Variants in ASTN2 observed in about 807,000 individuals in gnomAD.
ASTN2 encodes the protein astrotactin-2.
A neutral mutation model predicts 139.8 loss-of-function variants in ASTN2; 54 were observed. That is an observed-to-expected ratio of 0.39 (90% confidence interval 0.31 to 0.48). The LOEUF is 0.48. Ranked by LOEUF, ASTN2 falls within the 20% of genes least tolerant of loss-of-function variation. ASTN2 has a pLI of 0.95. For synonymous variants in ASTN2, 756 were observed against 719.5 expected (o/e 1.05, Z -0.81); for missense variants, 1,565 against 1,725.1 (o/e 0.91, Z 1.64).
intron 1 of ASTN2, among the ~76,000 whole-genome samples, chr9:117,380,156 G>A (rs1350106145): frequency 2.0e-5 from 3 of 152,146 alleles, no homozygotes; most frequent in Admixed American, 1.3e-4. Flanking sequence ...GCAAGGCACC[G>A]TGCTGGAATC....
At chr9:116,976,347 A>T (rs1836341511) in intron 8 of ASTN2, among the ~76,000 whole-genome samples, 159 bp from the exon 9 acceptor site, 1 of 152,262 alleles carries the variant, frequency 6.6e-6, no homozygotes, top group Non-Finnish European at 1.5e-5. Context: ...TCTCCAATTT[A>T]CAGAAGGATT....
intron 13 of ASTN2, among the ~76,000 whole-genome samples, chr9:116,754,552 T>G (rs1371545060): frequency 6.6e-6 from 1 of 152,236 alleles, no homozygotes; most frequent in Non-Finnish European, 1.5e-5. Context: ...TATATTGGAA[T>G]ACAGCCACAT....
At chr9:117,288,376 T>C (rs948582676) in intron 2 of ASTN2, among the ~76,000 whole-genome samples, 1 of 152,196 alleles carries the variant, frequency 6.6e-6, no homozygotes, top group Non-Finnish European at 1.5e-5. Flanking sequence ...ATATCTGTGC[T>C]GTCAAAAGGG....
chr9:117,281,828 A>G (rs1299854320), intron 2 of ASTN2, among the ~76,000 whole-genome samples: 2 of 151,988 alleles, frequency 1.3e-5, no homozygotes, highest in African/African-American at 4.8e-5. Context: ...TCTCAGATCC[A>G]CAGTGCTGGG....
chr9:116,615,135 C>T (rs1219684391), intron 19 of ASTN2, among the ~76,000 whole-genome samples: 1 of 152,154 alleles, frequency 6.6e-6, no homozygotes, highest in East Asian at 1.9e-4. Flanking sequence ...TGCTCATCAT[C>T]ACTGGCCATC....
chr9:117,318,920 C>G (rs1448422670), intron 1 of ASTN2, among the ~76,000 whole-genome samples: 2 of 152,196 alleles, frequency 1.3e-5, no homozygotes, highest in African/African-American at 4.8e-5. Flanking sequence ...AGCCGCTCCT[C>G]TGAGCTGGGG....
intron 2 of ASTN2, among the ~76,000 whole-genome samples, chr9:117,252,856 T>A (rs1167516795): frequency 6.6e-6 from 1 of 152,190 alleles, no homozygotes; most frequent in Non-Finnish European, 1.5e-5. Context: ...CAAAGTCAGA[T>A]AACCTTGGAG....
intron 10 of ASTN2, among the ~76,000 whole-genome samples, chr9:116,892,825 A>C (rs1269503384): frequency 2.0e-5 from 3 of 152,180 alleles, no homozygotes; most frequent in Non-Finnish European, 4.4e-5. Context: ...CATATTTAGC[A>C]AATAAAAATA....
chr9:117,380,877 C>G (rs534053008), intron 1 of ASTN2, among the ~76,000 whole-genome samples: 1 of 152,226 alleles, frequency 6.6e-6, no homozygotes, highest in African/African-American at 2.4e-5. Context: ...ACAGAATTAC[C>G]ATATACCCAG....
At chr9:116,956,094 C>CTTTTTTTTTTTTTTTTTTT (rs71379245) in intron 10 of ASTN2, among the ~76,000 whole-genome samples, 2 of 119,148 alleles carry the variant, frequency 1.7e-5, no homozygotes, top group South Asian at 2.7e-4. Flanking sequence ...TTTTTCTTTT[C>CTTTTTTTTTTTTTTTTTTT]TTTTTTTTTT....
At chr9:116,815,549 T>C (rs1831289361) in intron 12 of ASTN2, among the ~76,000 whole-genome samples, 1 of 151,974 alleles carries the variant, frequency 6.6e-6, no homozygotes, top group African/African-American at 2.4e-5. Context: ...CTCACACCTG[T>C]AATCCCAGCA....
At chr9:117,290,749 G>A (rs534033910) in intron 2 of ASTN2, among the ~76,000 whole-genome samples, 1 of 152,300 alleles carries the variant, frequency 6.6e-6, no homozygotes, top group South Asian at 2.1e-4. Flanking sequence ...CGCTGGCTAT[G>A]TGATCTTAGG....
At chr9:117,403,845 C>T (rs1588017307) in intron 1 of ASTN2, among the ~76,000 whole-genome samples, 1 of 152,194 alleles carries the variant, frequency 6.6e-6, no homozygotes, top group East Asian at 1.9e-4. Flanking sequence ...TTCCCTGCTT[C>T]CCCCAGCTTC....
chr9:116,730,870 T>A (rs1828758805), intron 14 of ASTN2, among the ~76,000 whole-genome samples: 1 of 152,184 alleles, frequency 6.6e-6, no homozygotes, highest in Non-Finnish European at 1.5e-5. Context: ...CTTCCTTCCA[T>A]CTCTGCTCAT....
At chr9:116,677,325 T>C (rs1859570331) in intron 16 of ASTN2, among the ~76,000 whole-genome samples, 1 of 152,136 alleles carries the variant, frequency 6.6e-6, no homozygotes, top group Non-Finnish European at 1.5e-5. Context: ...AAAAAAAACC[T>C]CTGTTTTCTT....
At chr9:117,272,585 T>C (rs1006048730) in intron 2 of ASTN2, among the ~76,000 whole-genome samples, 9 of 152,182 alleles carry the variant, frequency 5.9e-5, no homozygotes. Flanking sequence ...CCTTTTAAAG[T>C]GGAATGCTTT....
chr9:117,364,350 G>A (rs564656866), intron 1 of ASTN2, among the ~76,000 whole-genome samples: 1 of 152,266 alleles, frequency 6.6e-6, no homozygotes, highest in East Asian at 1.9e-4. Context: ...TTCAAGCATT[G>A]GGCTACATTT....
chr9:116,759,957 A>G (rs1034257480), intron 13 of ASTN2, among the ~76,000 whole-genome samples: 6 of 152,192 alleles, frequency 3.9e-5, no homozygotes, highest in African/African-American at 1.4e-4. Flanking sequence ...GTTTAATGTC[A>G]GATATGATCT....
intron 6 of ASTN2, among the ~76,000 whole-genome samples, chr9:117,010,076 G>A (rs1375322576): frequency 6.6e-6 from 1 of 152,210 alleles, no homozygotes. Context: ...AAAGAAAGAG[G>A]GGTCTTTGTG....
Sources: gnomAD v4.1 joint callset for allele counts (sites outside exome capture counted in the v4.1 genomes callset) on GRCh38, gnomAD v4.1.1 for gene constraint, MANE v1.5 for transcripts, NCBI Gene and HGNC (gene_info 2026-07-23, HGNC 2026-07-21) for gene names.